The following PCDHA7 variants were observed in gnomAD, a reference collection of about 807,000 sequenced individuals.
PCDHA7 encodes protocadherin alpha 7.
Under a neutral mutation model 57.2 loss-of-function variants are expected in PCDHA7, and 37 were observed. That is an observed-to-expected ratio of 0.65 (90% CI 0.50 to 0.85). The LOEUF (loss-of-function observed/expected upper bound fraction) is 0.85, where lower values mean the gene tolerates loss of function less well. Ranked by LOEUF, PCDHA7 falls within the 40% of genes least tolerant of loss-of-function variation. PCDHA7 has a pLI of 0.00. For synonymous variants in PCDHA7, 553 were observed against 558.8 expected, an observed-to-expected ratio of 0.99 and a Z score of 0.15; for missense variants, 1,188 against 1,241.8, an observed-to-expected ratio of 0.96 and a Z score of 0.65.
At chr5:140,977,301 G>T (rs1478869150) in intron 1 of PCDHA7, among the ~76,000 whole-genome samples, 1 of 152,208 alleles carries the variant, frequency 6.6e-6, no homozygotes, top group Non-Finnish European at 1.5e-5. Context: ...CAGCTGACAA[G>T]CTAACGATAG....
At chr5:140,914,033 G>A (rs1192515722) in intron 1 of PCDHA7, among the ~76,000 whole-genome samples, 1 of 152,138 alleles carries the variant, frequency 6.6e-6, no homozygotes, top group Non-Finnish European at 1.5e-5. Context: ...GTGCTGAGAA[G>A]AATGTGTATT....
At chr5:140,990,272 C>T (rs568200508) in intron 3 of PCDHA7, among the ~76,000 whole-genome samples, 12 of 152,196 alleles carry the variant, frequency 7.9e-5, no homozygotes, top group African/African-American at 1.4e-4. Flanking sequence ...CAATGTACCC[C>T]GGGTCTTGAG....
intron 1 of PCDHA7, chr5:140,855,912 G>C: frequency 1.7e-6 from 2 of 1,172,642 alleles, no homozygotes; most frequent in Non-Finnish European, 2.4e-6. Flanking sequence ...GTTTCTCAAG[G>C]ACTAGGAAGT....
intron 1 of PCDHA7, among the ~76,000 whole-genome samples, chr5:140,945,772 T>C (rs538344111): frequency 1.3e-5 from 2 of 152,110 alleles, no homozygotes; most frequent in Non-Finnish European, 2.9e-5. Flanking sequence ...GACAATTTGA[T>C]ATCCAGATGC....
intron 1 of PCDHA7, among the ~76,000 whole-genome samples, chr5:140,943,064 C>T (rs1352675515): frequency 1.3e-5 from 2 of 151,818 alleles, no homozygotes; most frequent in African/African-American, 4.8e-5. Context: ...CAAGAACAGC[C>T]TGACCAACAT....
chr5:140,915,634 CT>C (rs782528552), intron 1 of PCDHA7, among the ~76,000 whole-genome samples: 9 of 150,114 alleles, frequency 6.0e-5, no homozygotes, highest in Non-Finnish European at 1.3e-4. Context: ...CTGTCTCTCT[CT>C]CTCTCTCTCT....
intron 1 of PCDHA7, among the ~76,000 whole-genome samples, chr5:140,933,209 G>GTC (rs140472192): frequency 0.32 from 48,939 of 151,636 alleles, 8,153 homozygotes; most frequent in East Asian, 0.53. Flanking sequence ...TAAATTACAT[G>GTC]TCTGTTATAT....
chr5:140,912,744 T>A (rs944833912), intron 1 of PCDHA7, among the ~76,000 whole-genome samples: 1 of 152,188 alleles, frequency 6.6e-6, no homozygotes, highest in Non-Finnish European at 1.5e-5. Context: ...TGTGGGTCTG[T>A]CATAGATGGC....
intron 1 of PCDHA7, among the ~76,000 whole-genome samples, chr5:140,970,255 A>G (rs155806): frequency 0.089 from 13,563 of 152,250 alleles, 783 homozygotes; most frequent in Middle Eastern, 0.22. Context: ...GACAGTTTCT[A>G]TGGTTTTGAT....
At chr5:140,944,407 G>A (rs1384591675) in intron 1 of PCDHA7, among the ~76,000 whole-genome samples, 2 of 152,036 alleles carry the variant, frequency 1.3e-5, no homozygotes, top group East Asian at 1.9e-4. Context: ...GGCTGGTCTC[G>A]AACTCCTGAT....
intron 1 of PCDHA7, 170 bp from the exon 2 acceptor site, chr5:140,978,779 C>T: frequency 2.1e-6 from 2 of 969,908 alleles, no homozygotes; most frequent in Non-Finnish European, 2.5e-6. Flanking sequence ...TAATTTTCTT[C>T]TAAAGTGCTA....
chr5:140,969,393 C>T, intron 1 of PCDHA7: 1 of 1,590,146 alleles, frequency 6.3e-7, no homozygotes. Flanking sequence ...CCCCCAATAT[C>T]CTGTGATTTG....
chr5:140,836,904 A>G (rs1774799044), intron 1 of PCDHA7, 166 bp downstream of exon 1: 1 of 589,848 alleles, frequency 1.7e-6, no homozygotes, highest in Non-Finnish European at 2.8e-6. Context: ...TACGTTTAAT[A>G]TACACTTTTG....
chr5:140,857,654 G>C, intron 1 of PCDHA7: 1 of 1,596,766 alleles, frequency 6.3e-7, no homozygotes, highest in South Asian at 1.1e-5. Flanking sequence ...CCAGGTGAGC[G>C]CGCGCGATGG....
rs1490395920 is a variant in PCDHA7, at chr5:140,835,978, A to G, written c.1595A>G (p.Gln532Arg). 1 of 1,613,260 alleles carries G rather than the reference A, an allele frequency of 6.2e-7. No individual in the cohort carries two copies. Among genetic ancestry groups the G allele is most frequent in the African/African-American group, 1.3e-5 (1 of 74,922 alleles). The part of the protein sequence containing the change: ...PLDHEELELL[Q>R]FQVSARDAGV... Reference sequence around the variant, plus strand: ...GACCACGAGGAGCTGGAGCTGTTGCAGTTCCAGGTGAGCGCGCGCGATGCG... The same window carrying G: ...GACCACGAGGAGCTGGAGCTGTTGCGGTTCCAGGTGAGCGCGCGCGATGCG... Residue 532 changes from glutamine to arginine, a missense_variant, in exon 1 of 4, where the codon CAG (glutamine) becomes CGG (arginine). Gln to Arg is a conservative substitution (Grantham distance 43). Transcript: ENST00000525929.
chr5:140,836,101 C>T lies in PCDHA7; in HGVS notation c.1718C>T (p.Thr573Ile). ...CTGCTGGCGCCTCGGGTGGGTGGCA[C>T]TGGTGGCGCAGTGAGAGAGCTTGTG... is the stretch of plus-strand genomic sequence containing the variant. ...PALLAPRVGG[T>I]GGAVRELVPR... The change falls in exon 1 of 4, where the codon ACT (threonine) becomes ATT (isoleucine). Residue 573 changes from threonine (T) to isoleucine (I), a missense_variant. Thr to Ile is a moderately conservative substitution (Grantham distance 89). Around this residue, in one of 3 missense-constraint regions of PCDHA7, gnomAD observed 892 missense variants for 788.5 expected, o/e 1.13. Coordinates refer to ENST00000525929, the MANE Select transcript of PCDHA7 (RefSeq NM_018910.3). 17 of 1,613,712 alleles carry T rather than the reference C, an allele frequency of 1.1e-5. No homozygotes were observed. The highest frequency in any genetic ancestry group is 1.4e-5 in the Non-Finnish European group (17 of 1,179,776).
rs2150362275 is a variant in PCDHA7 at position 140,843,540 on chromosome 5, T to G, written c.2355+6802T>G. On this transcript the variant is annotated intron_variant, in intron 1 of 3. Transcript: ENST00000525929. Reference sequence around the variant, plus strand: ...TGCCGGGCGGGCAAGCCCACTCTGGTGTGCTCCAGTGCGGTGGGGAGCTGG... The same window carrying G: ...TGCCGGGCGGGCAAGCCCACTCTGGGGTGCTCCAGTGCGGTGGGGAGCTGG... 12 of 1,595,850 alleles carry G rather than the reference T, an allele frequency of 7.5e-6. 3 individuals are homozygous for G. Among genetic ancestry groups the G allele is most frequent in the Non-Finnish European group, 1.0e-5 (12 of 1,165,530 alleles).
intron 1 of PCDHA7, chr5:140,857,407 G>C (rs372428918): frequency 6.3e-7 from 1 of 1,598,496 alleles, no homozygotes; most frequent in Admixed American, 1.7e-5. Context: ...ACGCGCCTGC[G>C]TTCGCGCAGT....
At chr5:140,984,041 T>A (rs1440161569) in intron 3 of PCDHA7, among the ~76,000 whole-genome samples, 1 of 152,196 alleles carries the variant, frequency 6.6e-6, no homozygotes, top group Non-Finnish European at 1.5e-5. Flanking sequence ...CATAAAATAG[T>A]TCATTGACAA....
Sources: gnomAD v4.1 joint callset for allele counts (sites outside exome capture counted in the v4.1 genomes callset) on GRCh38, gnomAD v4.1.1 for gene constraint, gnomAD v4.1.1 regional missense constraint, MANE v1.5 for transcripts, NCBI Gene and HGNC (gene_info 2026-07-23, HGNC 2026-07-21) for gene names.